The following SPAG16 variants were observed in gnomAD, a reference collection of about 807,000 sequenced individuals.
The protein encoded by SPAG16 is sperm associated antigen 16.
SPAG16 carries 86 observed loss-of-function variants against 80.4 expected under a neutral mutation model. The ratio of observed to expected loss-of-function variants is 1.07; its 90% CI spans 0.90 to 1.28. SPAG16 has a LOEUF of 1.28. Among genes scored for constraint, SPAG16 ranks in the 50% most tolerant of loss-of-function variants. SPAG16 has a pLI of 0.00. For synonymous variants in SPAG16, 294 were observed against 265.9 expected (o/e 1.11, Z -1.03); for missense variants, 870 against 765.3 (o/e 1.14, Z -1.61).
At position 214,280,786 on chromosome 2, in the gene SPAG16, T is replaced by C. The variant is rs141952059; in HGVS notation, c.1721-129354T>C. 7 of 458,206 alleles carry C rather than the reference T, an allele frequency of 1.5e-5. 1 individual carries two copies. The highest frequency in any genetic ancestry group is 8.1e-5 in the African/African-American group (4 of 49,386). The allele number at this position is 458,206 out of a possible 1,614,324, so 28.4% of individuals were successfully genotyped here. On this transcript the variant is annotated intron_variant, in intron 15 of 15. Coordinates refer to ENST00000331683, the MANE Select transcript of SPAG16 (RefSeq NM_024532.5). The stretch of plus-strand genomic sequence containing the variant: ...TTCTCATAGACTAGATTCTCTCATA[T>C]AGCAGCATGAGCTTTCTTATACATC...
intron 13 of SPAG16, among the ~76,000 whole-genome samples, chr2:214,014,843 G>C (rs146133322): frequency 3.3e-5 from 5 of 152,294 alleles, no homozygotes; most frequent in Admixed American, 6.5e-5. Context: ...AGAGTGACAA[G>C]GTTCATAAAT....
intron 9 of SPAG16, among the ~76,000 whole-genome samples, chr2:213,436,171 C>G (rs943122842): frequency 1.3e-5 from 2 of 152,140 alleles, no homozygotes; most frequent in African/African-American, 4.8e-5. Flanking sequence ...ATCATTTAAT[C>G]ACATTTTTCT....
intron 10 of SPAG16, among the ~76,000 whole-genome samples, chr2:213,771,263 T>G (rs1466316130): frequency 6.6e-6 from 1 of 152,248 alleles, no homozygotes; most frequent in African/African-American, 2.4e-5. Flanking sequence ...TGTCTTCTTT[T>G]GAAAAGTGTC....
chr2:213,835,473 A>T (rs1222129726), intron 10 of SPAG16, among the ~76,000 whole-genome samples: 2 of 152,182 alleles, frequency 1.3e-5, no homozygotes, highest in African/African-American at 4.8e-5. Flanking sequence ...TTTGAATCTA[A>T]TAACACTTAT....
chr2:213,667,582 A>G (rs1463620581), intron 10 of SPAG16, among the ~76,000 whole-genome samples: 1 of 152,250 alleles, frequency 6.6e-6, no homozygotes, highest in Non-Finnish European at 1.5e-5. Context: ...ATACTTCTAC[A>G]AAGTCAAAGA....
chr2:213,678,195 C>T (rs1295779398), intron 10 of SPAG16, among the ~76,000 whole-genome samples: 5 of 152,148 alleles, frequency 3.3e-5, no homozygotes, highest in Non-Finnish European at 2.9e-5. Flanking sequence ...ACCCTAACAT[C>T]ACAATTAAAA....
At chr2:214,030,648 C>T (rs1196312142) in intron 13 of SPAG16, among the ~76,000 whole-genome samples, 1 of 152,180 alleles carries the variant, frequency 6.6e-6, no homozygotes, top group African/African-American at 2.4e-5. Context: ...TGAGTCTTTA[C>T]TTAAATGGCT....
intron 10 of SPAG16, among the ~76,000 whole-genome samples, chr2:213,860,478 T>TAG (rs1559529655): frequency 1.0e-3 from 86 of 83,108 alleles, no homozygotes; most frequent in Non-Finnish European, 1.6e-3. Flanking sequence ...TCTATCTATA[T>TAG]ATATATATAC....
At chr2:214,185,810 A>G (rs896344265) in intron 15 of SPAG16, among the ~76,000 whole-genome samples, 1 of 152,106 alleles carries the variant, frequency 6.6e-6, no homozygotes, top group Non-Finnish European at 1.5e-5. Flanking sequence ...CCTGACCACT[A>G]TATCCAAAGC....
chr2:213,859,113 A>G (rs1285624938), intron 10 of SPAG16, among the ~76,000 whole-genome samples: 1 of 124,212 alleles, frequency 8.1e-6, no homozygotes, highest in Non-Finnish European at 1.6e-5. Context: ...TGGGAGGGGG[A>G]GGTTGTAGTG....
chr2:213,735,896 G>A (rs1164514336), intron 10 of SPAG16, among the ~76,000 whole-genome samples: 1 of 152,172 alleles, frequency 6.6e-6, no homozygotes. Context: ...TATGGATGGG[G>A]CATAAAATGT....
intron 10 of SPAG16, among the ~76,000 whole-genome samples, chr2:213,791,689 A>C (rs1217865801): frequency 6.6e-6 from 1 of 152,174 alleles, no homozygotes; most frequent in Non-Finnish European, 1.5e-5. Flanking sequence ...AAAAGTATTT[A>C]TAATATCCAT....
At chr2:213,655,713 G>A (rs1426440873) in intron 10 of SPAG16, among the ~76,000 whole-genome samples, 1 of 152,108 alleles carries the variant, frequency 6.6e-6, no homozygotes, top group Non-Finnish European at 1.5e-5. Flanking sequence ...TAAATTTCTT[G>A]TTGGTTCCCC....
chr2:213,482,265 A>G (rs1332021971), intron 9 of SPAG16, among the ~76,000 whole-genome samples: 1 of 152,250 alleles, frequency 6.6e-6, no homozygotes, highest in African/African-American at 2.4e-5. Flanking sequence ...CTGGCACTTC[A>G]GGCTTGCCCC....
At chr2:213,640,136 C>T (rs2062529094) in intron 10 of SPAG16, among the ~76,000 whole-genome samples, 1 of 151,498 alleles carries the variant, frequency 6.6e-6, no homozygotes, top group Non-Finnish European at 1.5e-5. Flanking sequence ...TTTTTTTCAT[C>T]CATATTCTGT....
At chr2:213,909,569 G>C (rs565208550) in intron 11 of SPAG16, among the ~76,000 whole-genome samples, 1 of 151,730 alleles carries the variant, frequency 6.6e-6, no homozygotes, top group Non-Finnish European at 1.5e-5. Context: ...CAGAAATAAC[G>C]CCGCATATCT....
chr2:213,359,424 GCTC>G (rs1434759767), intron 7 of SPAG16, among the ~76,000 whole-genome samples: 1 of 152,128 alleles, frequency 6.6e-6, no homozygotes, highest in Non-Finnish European at 1.5e-5. Flanking sequence ...GCTGCGGTGG[GCTC>G]CTCCAGTTTG....
chr2:213,719,564 A>G (rs1490375645), intron 10 of SPAG16, among the ~76,000 whole-genome samples: 6 of 152,216 alleles, frequency 3.9e-5, no homozygotes, highest in Admixed American at 3.9e-4. Flanking sequence ...GTGGGGCCAG[A>G]TAAGAGAATA....
chr2:213,337,257 G>A (rs957791345), intron 5 of SPAG16, among the ~76,000 whole-genome samples: 96 of 152,286 alleles, frequency 6.3e-4, no homozygotes, highest in African/African-American at 2.3e-3. Context: ...AACTCATGAC[G>A]ATGAGAAAGA....
Sources: allele counts gnomAD v4.1 joint callset (sites outside exome capture counted in the v4.1 genomes callset), GRCh38; gene constraint gnomAD v4.1.1; transcripts MANE v1.5; gene names NCBI Gene and HGNC (gene_info 2026-07-23, HGNC 2026-07-21).